SYT14: variants seen among roughly 807,000 people sequenced by gnomAD.
SYT14 encodes the protein synaptotagmin-14.
In SYT14, 32 loss-of-function variants were observed where a neutral mutation model predicts 74.2. The ratio of observed to expected loss-of-function variants is 0.43; its 90% CI spans 0.33 to 0.58. The LOEUF (loss-of-function observed/expected upper bound fraction) is 0.58. SYT14 is among the 20% of genes least tolerant of loss of function. The pLI is 0.05. For missense variants in SYT14, 791 were observed against 981.8 expected, an observed-to-expected ratio of 0.81 and a Z score of 2.60; for synonymous variants, 298 against 337.7, an observed-to-expected ratio of 0.88 and a Z score of 1.29.
At chr1:210,023,969 C>T (rs2080355721) in intron 5 of SYT14, among the ~76,000 whole-genome samples, 1 of 152,134 alleles carries the variant, frequency 6.6e-6, no homozygotes, top group East Asian at 1.9e-4. Context: ...CATTTATACA[C>T]ATACTATCTG....
chr1:210,068,694 C>A (rs1558166487), intron 5 of SYT14, among the ~76,000 whole-genome samples: 1 of 151,392 alleles, frequency 6.6e-6, no homozygotes, highest in African/African-American at 2.4e-5. Context: ...TAATAGCATT[C>A]TTTTGTTTAC....
chr1:210,134,455 C>T (rs2082740344), intron 7 of SYT14, among the ~76,000 whole-genome samples: 2 of 152,108 alleles, frequency 1.3e-5, no homozygotes, highest in African/African-American at 4.8e-5. Context: ...ATTTGAACAT[C>T]TGTATCTAAG....
At chr1:210,096,062 C>G (rs947901124) in intron 6 of SYT14, among the ~76,000 whole-genome samples, 2 of 152,166 alleles carry the variant, frequency 1.3e-5, no homozygotes, top group Admixed American at 6.5e-5. Context: ...GTAGTCTGCT[C>G]ATTTAATTCT....
chr1:209,940,630 C>T (rs2078715786), intron 1 of SYT14, among the ~76,000 whole-genome samples: 1 of 151,966 alleles, frequency 6.6e-6, no homozygotes, highest in Non-Finnish European at 1.5e-5. Flanking sequence ...TGTATTTGGC[C>T]GAATATCTGC....
At chr1:210,162,367 A>G (rs777574696) in exon 10 of SYT14, 13 of 437,248 alleles carry the variant, frequency 3.0e-5, no homozygotes, top group Middle Eastern at 7.1e-4. Flanking sequence ...AAGTATGTAA[A>G]AGTTGTATAA....
At chr1:210,171,106 G>T (rs2083521105) in exon 10 of SYT14, 1 of 152,082 alleles carries the variant, frequency 6.6e-6, no homozygotes, top group South Asian at 2.1e-4. Flanking sequence ...GTAGTTTGTT[G>T]ATTTTTAATT....
At chr1:210,163,989 G>A in exon 10 of SYT14, 1 of 452,806 alleles carries the variant, frequency 2.2e-6, no homozygotes, top group Non-Finnish European at 4.4e-6. Flanking sequence ...GTCCAAATAT[G>A]GCAATCGACT....
chr1:210,050,463 A>G (rs2080972048), intron 5 of SYT14, among the ~76,000 whole-genome samples: 1 of 152,164 alleles, frequency 6.6e-6, no homozygotes, highest in Non-Finnish European at 1.5e-5. Context: ...CCTCCAAACT[A>G]TTCCAACCTT....
exon 1 of SYT14, chr1:209,938,245 C>G: frequency 6.5e-7 from 1 of 1,548,772 alleles, no homozygotes; most frequent in South Asian, 1.2e-5. Context: ...CCAGTTGGTG[C>G]GGTCCATGGC....
intron 7 of SYT14, among the ~76,000 whole-genome samples, chr1:210,122,579 T>C (rs6674619): frequency 5.3e-4 from 81 of 152,158 alleles, no homozygotes; most frequent in Middle Eastern, 3.4e-3. Context: ...TTTTTTTTTT[T>C]AGGTTCCACA....
chr1:209,974,643 C>T (rs12143962), intron 2 of SYT14, among the ~76,000 whole-genome samples: 68,974 of 151,528 alleles, frequency 0.46, 16,980 homozygotes, highest in Non-Finnish European at 0.56. Flanking sequence ...AGTCAGGTAG[C>T]GTGATGCCTC....
chr1:210,169,776 G>T (rs928638305), exon 10 of SYT14: 1 of 152,018 alleles, frequency 6.6e-6, no homozygotes, highest in Non-Finnish European at 1.5e-5. Context: ...AGTTTTAAGG[G>T]TCTTGATAAA....
chr1:209,983,132 G>A (rs1198162662), intron 2 of SYT14, among the ~76,000 whole-genome samples: 2 of 151,542 alleles, frequency 1.3e-5, no homozygotes, highest in Non-Finnish European at 2.9e-5. Flanking sequence ...ATATTTTCCT[G>A]TAATCTGTAG....
At chr1:210,081,447 T>C (rs1269741368) in intron 5 of SYT14, among the ~76,000 whole-genome samples, 2 of 152,214 alleles carry the variant, frequency 1.3e-5, no homozygotes, top group African/African-American at 4.8e-5. Context: ...TCCTAGTACA[T>C]ATAAGTGTTA....
chr1:209,985,079 A>G (rs990857062), intron 2 of SYT14, among the ~76,000 whole-genome samples: 2 of 152,350 alleles, frequency 1.3e-5, no homozygotes, highest in South Asian at 2.1e-4. Context: ...ACAAAATCTC[A>G]TGTCCTTCTC....
intron 2 of SYT14, among the ~76,000 whole-genome samples, chr1:210,009,906 T>C (rs2080054981): frequency 1.3e-5 from 2 of 152,180 alleles, no homozygotes; most frequent in Non-Finnish European, 1.5e-5. Context: ...CTAGAAACTT[T>C]AGAATTAACC....
At chr1:210,060,687 A>G (rs2081191712) in intron 5 of SYT14, among the ~76,000 whole-genome samples, 1 of 152,080 alleles carries the variant, frequency 6.6e-6, no homozygotes. Flanking sequence ...AAATATATAT[A>G]TTCAATCCAT....
At chr1:210,112,868 A>G (rs1572325398) in intron 7 of SYT14, among the ~76,000 whole-genome samples, 1 of 151,400 alleles carries the variant, frequency 6.6e-6, no homozygotes, top group East Asian at 1.9e-4. Context: ...AGTCTTTTGC[A>G]AGAGTGAGGG....
chr1:210,017,224 C>G lies in SYT14; in HGVS notation c.1096+125C>G, dbSNP rs941783635. The G allele has an allele frequency of 8.2e-6, 5 of 606,560 alleles. No individual in the cohort carries two copies. In the African/African-American group the frequency reaches 9.6e-5, roughly 12 times the overall value. 37.6% of individuals were successfully genotyped at this position (606,560 alleles called of 1,614,324 possible). A position where few individuals can be genotyped will look rare whatever the true frequency, so the allele number is the denominator to read the frequency against. On this transcript the variant is annotated intron_variant, in intron 4 of 9. Transcript: ENST00000637265. Reference sequence around the variant, plus strand: ...GTCTATATTTAAGACTTTCTTGAATCCTTTTACTGGGAAACATTTTTAAAG... The same window carrying G: ...GTCTATATTTAAGACTTTCTTGAATGCTTTTACTGGGAAACATTTTTAAAG...
Sources: allele counts gnomAD v4.1 joint callset (sites outside exome capture counted in the v4.1 genomes callset), GRCh38; gene constraint gnomAD v4.1.1; transcripts MANE v1.5; gene names NCBI Gene and HGNC (gene_info 2026-07-23, HGNC 2026-07-21).